The following VWC2 variants were observed in gnomAD, a reference collection of about 807,000 sequenced individuals.
VWC2 encodes von Willebrand factor C domain containing 2, also known as brorin.
A neutral mutation model predicts 29.8 loss-of-function variants in VWC2; 14 were observed. The observed-to-expected ratio is 0.47, with a 90% CI of 0.31 to 0.74. VWC2 has a LOEUF of 0.74. VWC2 is among the 30% of genes least tolerant of loss of function. The pLI is 0.05. For synonymous variants in VWC2, 213 were observed against 199.0 expected (o/e 1.07, Z -0.59); for missense variants, 457 against 459.8 (o/e 0.99, Z 0.05).
At chr7:49,782,981 A>G (rs1788210632) in intron 2 of VWC2, among the ~76,000 whole-genome samples, 1 of 152,226 alleles carries the variant, frequency 6.6e-6, no homozygotes, top group African/African-American at 2.4e-5. Context: ...TCATGTGGAT[A>G]TTTAGACAAG....
chr7:49,802,961 C>T, intron 3 of VWC2, 121 bp downstream of exon 3: 2 of 1,272,536 alleles, frequency 1.6e-6, no homozygotes, highest in South Asian at 1.4e-5. Context: ...TATCAATACA[C>T]ATGCGTACAC....
chr7:49,881,822 CTT>C (rs915698224), intron 3 of VWC2, among the ~76,000 whole-genome samples: 2 of 151,832 alleles, frequency 1.3e-5, no homozygotes, highest in African/African-American at 2.4e-5. Flanking sequence ...TAATTCATAA[CTT>C]ATGTTTGTAC....
chr7:49,885,175 A>G (rs1277667276), intron 3 of VWC2, among the ~76,000 whole-genome samples: 1 of 152,128 alleles, frequency 6.6e-6, no homozygotes, highest in African/African-American at 2.4e-5. Context: ...GCACATAAGA[A>G]ATTGAAATAA....
chr7:49,835,027 G>T (rs902116345), intron 3 of VWC2, among the ~76,000 whole-genome samples: 1 of 152,210 alleles, frequency 6.6e-6, no homozygotes, highest in African/African-American at 2.4e-5. Context: ...AGTTGCCTTG[G>T]GGAGTGCTCC....
chr7:49,888,372 TGTTCA>T (rs1791985694), intron 3 of VWC2, among the ~76,000 whole-genome samples: 1 of 152,252 alleles, frequency 6.6e-6, no homozygotes, highest in Non-Finnish European at 1.5e-5. Flanking sequence ...ATTTAGTTCT[TGTTCA>T]GATTATCAAT....
At chr7:49,832,239 A>C (rs1789548939) in intron 3 of VWC2, among the ~76,000 whole-genome samples, 1 of 152,178 alleles carries the variant, frequency 6.6e-6, no homozygotes, top group South Asian at 2.1e-4. Context: ...AAAGAGTGGG[A>C]TATTCCTTTA....
intron 2 of VWC2, among the ~76,000 whole-genome samples, chr7:49,794,341 A>G (rs957180107): frequency 1.3e-5 from 2 of 152,192 alleles, no homozygotes; most frequent in African/African-American, 4.8e-5. Flanking sequence ...ACATTAATTG[A>G]CCATTCAGAT....
At chr7:49,895,514 A>G (rs1290809434) in intron 3 of VWC2, among the ~76,000 whole-genome samples, 1 of 152,226 alleles carries the variant, frequency 6.6e-6, no homozygotes, top group Non-Finnish European at 1.5e-5. Context: ...CACAGAAAAA[A>G]TCAGTTAAGC....
At chr7:49,794,826 G>T (rs1788549127) in intron 2 of VWC2, among the ~76,000 whole-genome samples, 1 of 152,028 alleles carries the variant, frequency 6.6e-6, no homozygotes, top group Non-Finnish European at 1.5e-5. Context: ...TGTCTATGTG[G>T]TCCTCTTCTC....
intron 3 of VWC2, among the ~76,000 whole-genome samples, chr7:49,881,490 C>A (rs539096610): frequency 6.6e-6 from 1 of 152,126 alleles, no homozygotes. Flanking sequence ...ATGCACAAAA[C>A]GTCCTGTCTC....
At chr7:49,789,115 AGT>A (rs72265081) in intron 2 of VWC2, among the ~76,000 whole-genome samples, 36,794 of 136,672 alleles carry the variant, frequency 0.27, 6,170 homozygotes, top group African/African-American at 0.52. Flanking sequence ...AGATTGAGAG[AGT>A]GTAGTGTGTG....
At chr7:49,815,603 G>A (rs752667571) in intron 3 of VWC2, among the ~76,000 whole-genome samples, 3 of 152,002 alleles carry the variant, frequency 2.0e-5, no homozygotes, top group Non-Finnish European at 4.4e-5. Context: ...CTACCTTATT[G>A]GCAAAATAAT....
intron 3 of VWC2, among the ~76,000 whole-genome samples, chr7:49,889,004 C>T (rs1051278797): frequency 3.3e-5 from 5 of 152,146 alleles, no homozygotes; most frequent in South Asian, 2.1e-4. Flanking sequence ...ATTGGGCTGA[C>T]GCAAGTAGGG....
Position 49,776,148 on chromosome 7 carries a change from C to T in VWC2, c.696+17C>T, listed in dbSNP as rs896710280. On this transcript the variant is annotated intron_variant, in intron 2 of 3. Transcript: ENST00000340652. ...GAGTTCGTGGTAAGATGCGAACGCC[C>T]GCCGGGCGACTTTGCACCTTCCAGG... is the stretch of plus-strand genomic sequence containing the variant. 7 of 1,491,790 alleles carry T rather than the reference C, an allele frequency of 4.7e-6. No individual in the cohort carries two copies. Among genetic ancestry groups the T allele is most frequent in the Non-Finnish European group, 6.3e-6 (7 of 1,119,604 alleles). 92.4% of individuals were successfully genotyped at this position (1,491,790 alleles called of 1,614,324 possible).
intron 3 of VWC2, among the ~76,000 whole-genome samples, chr7:49,848,014 G>A (rs1485883129): frequency 6.6e-6 from 1 of 152,226 alleles, no homozygotes; most frequent in Non-Finnish European, 1.5e-5. Flanking sequence ...GATAGGGCTA[G>A]CACAGCATGT....
At chr7:49,807,100 T>C (rs567464658) in intron 3 of VWC2, among the ~76,000 whole-genome samples, 139 of 152,126 alleles carry the variant, frequency 9.1e-4, no homozygotes, top group African/African-American at 3.3e-3. Context: ...TTGTGAAAAG[T>C]CTCCATACTT....
At chr7:49,875,369 CAAAAAAAAAAA>C (rs71018432) in intron 3 of VWC2, among the ~76,000 whole-genome samples, 10 of 19,016 alleles carry the variant, frequency 5.3e-4, no homozygotes, top group African/African-American at 1.6e-3. Context: ...GATTCTGACT[CAAAAAAAAAAA>C]AAAAAAAAAA....
intron 3 of VWC2, among the ~76,000 whole-genome samples, chr7:49,856,945 G>A (rs1202802177): frequency 7.0e-6 from 1 of 142,962 alleles, no homozygotes; most frequent in Non-Finnish European, 1.5e-5. Context: ...GGGAGGTGGA[G>A]CTTTCAGTGA....
chr7:49,792,036 A>G (rs1264611558), intron 2 of VWC2, among the ~76,000 whole-genome samples: 2 of 152,208 alleles, frequency 1.3e-5, no homozygotes, highest in Admixed American at 1.3e-4. Flanking sequence ...TGAGAAAGAA[A>G]TATACAGGCG....
Sources: allele counts gnomAD v4.1 joint callset (sites outside exome capture counted in the v4.1 genomes callset), GRCh38; gene constraint gnomAD v4.1.1; transcripts MANE v1.5; gene names NCBI Gene and HGNC (gene_info 2026-07-23, HGNC 2026-07-21).